Variants in ATP13A3 observed in about 807,000 individuals in gnomAD.
ATP13A3 encodes the protein ATPase 13A3, also known as polyamine-transporting ATPase 13A3.
A neutral mutation model predicts 158.1 loss-of-function variants in ATP13A3; 59 were observed. The ratio of observed to expected loss-of-function variants is 0.37; its 90% CI spans 0.30 to 0.46. ATP13A3 has a LOEUF of 0.46. Among genes scored for constraint, ATP13A3 ranks in the 20% least tolerant of loss-of-function variants. The probability of loss-of-function intolerance (pLI) is 1.00; values close to 1 mark genes in which losing one functional copy is unlikely to be tolerated. For missense variants in ATP13A3, 1,166 were observed against 1,525.2 expected (o/e 0.76, Z 3.92); for synonymous variants, 491 against 504.3 (o/e 0.97, Z 0.35).
intron 2 of ATP13A3, among the ~76,000 whole-genome samples, chr3:194,483,022 G>A (rs1047726529): frequency 2.6e-5 from 4 of 151,398 alleles, no homozygotes; most frequent in African/African-American, 4.9e-5. Flanking sequence ...CAGGAGAATC[G>A]CTTGAACCCA....
intron 11 of ATP13A3, 130 bp downstream of exon 11, chr3:194,450,015 A>T: frequency 1.0e-6 from 1 of 976,220 alleles, no homozygotes; most frequent in South Asian, 1.7e-5. Context: ...CAGAATTTTA[A>T]ATCTCCAATA....
intron 30 of ATP13A3, among the ~76,000 whole-genome samples, chr3:194,422,504 C>G (rs573167878): frequency 1.3e-5 from 2 of 152,156 alleles, no homozygotes; most frequent in Admixed American, 6.5e-5. Flanking sequence ...CATTTACAGT[C>G]AAATTATTTT....
rs1720532992 is a variant in ATP13A3 at position 194,476,592 on chromosome 3, C to T, written c.-47+9202G>A. On this transcript the variant is annotated intron_variant, in intron 2 of 33. Coordinates refer to ENST00000645319, the MANE Select transcript of ATP13A3 (RefSeq NM_001367549.1). ...CCCTTCTCAAATCCACCTCACCATG[C>T]CTATCTCCATCAGCTTTGCCTTGAT... Among the ~76,000 whole-genome samples the T allele has an allele frequency of 2.0e-5, 3 of 152,132 alleles. No homozygotes were observed. The South Asian group carries it at 6.2e-4, about 32-fold the overall frequency.
At position 194,463,557 on chromosome 3, in the gene ATP13A3, C is replaced by T. The variant is rs1719803791; in HGVS notation, c.-46-1321G>A. Among the ~76,000 whole-genome samples, 4 of 151,960 alleles carry T rather than the reference C, an allele frequency of 2.6e-5. No homozygotes were observed. In the South Asian group the frequency reaches 8.3e-4, roughly 32 times the overall value. On this transcript the variant is annotated intron_variant, in intron 2 of 33. Transcript: ENST00000645319. Reference sequence around the variant, plus strand: ...TCAAGAAGGTAAATGGGTTTCAGCCCCCCGAGTGTGATAACCACTGCTTTA... The same window carrying T: ...TCAAGAAGGTAAATGGGTTTCAGCCTCCCGAGTGTGATAACCACTGCTTTA...
intron 15 of ATP13A3, among the ~76,000 whole-genome samples, chr3:194,442,539 A>G (rs939264537): frequency 6.6e-6 from 1 of 152,198 alleles, no homozygotes; most frequent in Non-Finnish European, 1.5e-5. Flanking sequence ...AGACATACAA[A>G]GAGTAAGACA....
rs548312667 is a variant in ATP13A3, at chr3:194,437,592, A to G, written c.1828-19T>C. 60 of 1,591,078 alleles carry G rather than the reference A, an allele frequency of 3.8e-5. No individual in the cohort carries two copies. Among genetic ancestry groups the G allele is most frequent in the Non-Finnish European group, 5.0e-5 (58 of 1,165,760 alleles). Reference sequence around the variant, plus strand: ...ACAGCTCCTAAAAACGAAACAAAACAAGAAAAAATAGTACAGATTAACTCT... The same window carrying G: ...ACAGCTCCTAAAAACGAAACAAAACGAGAAAAAATAGTACAGATTAACTCT... On this transcript the variant is annotated intron_variant, in intron 17 of 33. Transcript: ENST00000645319.
intron 2 of ATP13A3, among the ~76,000 whole-genome samples, chr3:194,476,780 T>TTTTTTC (rs1015955145): frequency 7.3e-5 from 11 of 151,582 alleles, no homozygotes; most frequent in African/African-American, 2.7e-4. Flanking sequence ...TTTTTTTTTT[T>TTTTTTC]CAAAACAATT....
At chr3:194,424,930 A>C (rs187539289) in intron 30 of ATP13A3, among the ~76,000 whole-genome samples, 12 of 152,290 alleles carry the variant, frequency 7.9e-5, no homozygotes. Flanking sequence ...TATAATACCT[A>C]CTGTTCCAAC....
intron 22 of ATP13A3, 37 bp from the exon 23 acceptor site, chr3:194,431,263 A>G: frequency 6.5e-7 from 1 of 1,545,328 alleles, no homozygotes; most frequent in Non-Finnish European, 8.8e-7. Context: ...TATTTAGGCA[A>G]CCAAACCAAG....
chr3:194,406,104 G>C lies in ATP13A3; in HGVS notation c.3586C>G (p.Arg1196Gly). 3.7e-6 allele frequency: 6 copies of C among 1,613,942 alleles called. No individual in the cohort carries two copies. The highest frequency in any genetic ancestry group is 5.1e-6 in the Non-Finnish European group (6 of 1,179,978). The change falls in exon 34 of 34, where the codon CGG becomes GGG. Residue 1196 changes from arginine (R) to glycine (G), a missense_variant. By Grantham distance (125) the Arg-to-Gly change is moderately radical (BLOSUM62 -2). Around this residue, in one of 3 missense-constraint regions of ATP13A3, gnomAD observed 997 missense variants for 1,341.2 expected, o/e 0.74. Coordinates refer to ENST00000645319, the MANE Select transcript of ATP13A3 (RefSeq NM_001367549.1). ...TTQPPQESVD[R>G]WGKCCLPWAL... ...CAGGGTAAGCAGCATTTTCCCCACC[G>C]ATCCACTGACTCCTAAGAAAATAAG...
intron 2 of ATP13A3, among the ~76,000 whole-genome samples, chr3:194,493,230 C>T (rs1721165794): frequency 6.6e-6 from 1 of 152,008 alleles, no homozygotes; most frequent in Non-Finnish European, 1.5e-5. Context: ...CACTGTAGAC[C>T]CAGCACTAGA....
At chr3:194,421,170 G>C (rs1238024639) in intron 30 of ATP13A3, among the ~76,000 whole-genome samples, 21 of 5,318 alleles carry the variant, frequency 3.9e-3, no homozygotes, top group Non-Finnish European at 6.3e-3. Context: ...TATATATATA[G>C]TTTTAGTAGC....
At chr3:194,487,821 C>G (rs890276627), upstream of ATP13A3, 1 of 152,376 alleles carries the variant, frequency 6.6e-6, no homozygotes, top group Non-Finnish European at 1.5e-5. Flanking sequence ...GCCCGGCCCG[C>G]TCCGTGACTG....
chr3:194,457,809 T>G (rs1166414225), intron 6 of ATP13A3, among the ~76,000 whole-genome samples: 1 of 145,810 alleles, frequency 6.9e-6, no homozygotes, highest in African/African-American at 2.7e-5. Context: ...TTTTTTGAGA[T>G]GGAGTTTTGC....
At chr3:194,413,258 T>C (rs974213885) in intron 32 of ATP13A3, among the ~76,000 whole-genome samples, 5 of 152,326 alleles carry the variant, frequency 3.3e-5, no homozygotes, top group African/African-American at 1.2e-4. Flanking sequence ...CCAAGGAGGA[T>C]GTTCCAGTAA....
Position 194,447,021 on chromosome 3 carries a change from T to G in ATP13A3, c.1403A>C (p.Tyr468Ser). ...GATTTTTTTCAGTCTTCTCTGAGCATACACAATACCAGCAGTCATTGCAGC... is the reference window on the plus strand; with the variant it reads ...GATTTTTTTCAGTCTTCTCTGAGCAGACACAATACCAGCAGTCATTGCAGC... ...LPAAMTAGIV[Y>S]AQRRLKKIGI... The change falls in exon 14 of 34, where the codon TAT (tyrosine) becomes TCT (serine). Residue 468 changes from tyrosine to serine, a missense_variant. Transcript: ENST00000645319. 1 of 1,613,716 alleles carries G rather than the reference T, an allele frequency of 6.2e-7. No individual in the cohort carries two copies.
chr3:194,450,489 C>G, intron 10 of ATP13A3: 1 of 503,416 alleles, frequency 2.0e-6, no homozygotes, highest in Non-Finnish European at 3.6e-6. Context: ...AGGACACCAG[C>G]TGTGCACCGG....
At chr3:194,430,236 A>G in intron 25 of ATP13A3, 37 bp downstream of exon 25, 9 of 1,613,448 alleles carry the variant, frequency 5.6e-6, no homozygotes, top group Non-Finnish European at 7.6e-6. Context: ...AGGCTAGAGT[A>G]AGAACTATAA....
chr3:194,437,031 G>A (rs1717692140), intron 20 of ATP13A3, 64 bp downstream of exon 20: 7 of 1,519,760 alleles, frequency 4.6e-6, no homozygotes, highest in Non-Finnish European at 5.4e-6. Flanking sequence ...GCAAATTACT[G>A]TGCATGACTA....
Sources: allele counts gnomAD v4.1 joint callset (sites outside exome capture counted in the v4.1 genomes callset), GRCh38; gene constraint gnomAD v4.1.1; regional missense constraint gnomAD v4.1.1; transcripts MANE v1.5; gene names NCBI Gene and HGNC (gene_info 2026-07-23, HGNC 2026-07-21).